The following CKM variants were observed in gnomAD, a reference collection of about 807,000 sequenced individuals.
CKM encodes the protein creatine kinase M-type.
In CKM, 28 loss-of-function variants were observed where a neutral mutation model predicts 35.4. That is an observed-to-expected ratio of 0.79 (90% confidence interval 0.59 to 1.08). The LOEUF (loss-of-function observed/expected upper bound fraction) is 1.08. Among genes scored for constraint, CKM ranks in the 50% least tolerant of loss-of-function variants. The pLI, the probability that CKM is intolerant of heterozygous loss-of-function variation, is 0.00. For missense variants in CKM, 484 were observed against 509.8 expected (o/e 0.95, Z 0.49); for synonymous variants, 215 against 204.4 (o/e 1.05, Z -0.44).
intron 4 of CKM, 107 bp from the exon 5 acceptor site, chr19:45,312,027 C>T: frequency 1.6e-6 from 2 of 1,289,026 alleles, no homozygotes; most frequent in East Asian, 4.7e-5. Flanking sequence ...GGGCCTTGGC[C>T]CCCTGGATGT....
At chr19:45,322,163 C>T (rs1326116239) in intron 1 of CKM, among the ~76,000 whole-genome samples, 2 of 151,926 alleles carry the variant, frequency 1.3e-5, no homozygotes, top group Non-Finnish European at 2.9e-5. Context: ...AGGATGCCCC[C>T]CTAATCCCTG....
intron 3 of CKM, among the ~76,000 whole-genome samples, chr19:45,317,318 G>A (rs564355500): frequency 2.7e-5 from 4 of 150,538 alleles, no homozygotes; most frequent in East Asian, 3.9e-4. Flanking sequence ...GACGAGTTTC[G>A]CCCTTGTTGC....
In CKM at chr19:45,306,640, G is replaced by C. The variant is rs566549420; in HGVS notation, c.*110C>G. 1 of 1,147,204 alleles carries C rather than the reference G, an allele frequency of 8.7e-7. No individual in the cohort carries two copies. The highest frequency in any genetic ancestry group is 1.3e-6 in the Non-Finnish European group (1 of 772,066). 71.1% of individuals were successfully genotyped at this position (1,147,204 alleles called of 1,614,324 possible). On this transcript the variant is annotated 3_prime_UTR_variant, in exon 8 of 8. Coordinates refer to ENST00000221476, the MANE Select transcript of CKM (RefSeq NM_001824.5). This position sits in a 1 kb window ranked among gnomAD's most constrained non-coding sequence, Gnocchi z 4.5. ...CTGAGAAGGGTGGAGAGAGCCCCCA[G>C]GTGGGACTCTGGGACAGGGGGCGGG...
intron 2 of CKM, 81 bp downstream of exon 2, chr19:45,319,440 A>C: frequency 2.7e-6 from 3 of 1,096,604 alleles, no homozygotes; most frequent in Non-Finnish European, 2.7e-6. Flanking sequence ...CCCCCCCTTC[A>C]AGGGTGGTGG....
At chr19:45,315,688 T>C (rs1479795312) in intron 3 of CKM, 91 bp from the exon 4 acceptor site, 1 of 1,524,706 alleles carries the variant, frequency 6.6e-7, no homozygotes, top group East Asian at 2.4e-5. Flanking sequence ...TCAGTCTCCC[T>C]GTTGCTTCCT....
In CKM at chr19:45,307,430, C is replaced by T. The variant is rs370347377; in HGVS notation, c.967+31G>A. ...CTGCAAAGGGCCCTCGCTCCCCCTC[C>T]GTCGTGGTGCAAAGGATGTGGGAGC... On this transcript the variant is annotated intron_variant, in intron 7 of 7. Transcript: ENST00000221476. The T allele has an allele frequency of 1.7e-4, 275 of 1,608,420 alleles. 3 individuals are homozygous for T. The highest frequency in any genetic ancestry group is 1.5e-3 in the South Asian group (136 of 90,500).
At chr19:45,307,110 C>G (rs1350200900) in intron 7 of CKM, among the ~76,000 whole-genome samples, 182 bp from the exon 8 acceptor site, 1 of 152,152 alleles carries the variant, frequency 6.6e-6, no homozygotes, top group Non-Finnish European at 1.5e-5. Flanking sequence ...GATGGGGTAC[C>G]ACGCCACTCA....
At chr19:45,318,081 G>T in intron 2 of CKM, 102 bp from the exon 3 acceptor site, 1 of 954,652 alleles carries the variant, frequency 1.0e-6, no homozygotes, top group South Asian at 1.4e-5. Flanking sequence ...TCGGGATGGG[G>T]GCGGGTACAT....
At position 45,311,754 on chromosome 19, in the gene CKM, G is replaced by A; in HGVS notation, c.648C>T (p.Gly216=). The A allele has an allele frequency of 4.4e-6, 7 of 1,580,186 alleles. No homozygotes were observed. Among genetic ancestry groups the A allele is most frequent in the Non-Finnish European group, 6.0e-6 (7 of 1,164,348 alleles). Residue 216 remains glycine, a synonymous_variant, in exon 5 of 8, where the codon GGC becomes GGT. Coordinates refer to ENST00000221476, the MANE Select transcript of CKM (RefSeq NM_001824.5). ...GMARDWPDAR[G]IWHNDNKSFL... Reference sequence around the variant, plus strand: ...GGGGCGGGGAGGGGCCTCACCAGATGCCACGGGCGTCGGGCCAGTCGCGGG... The same window carrying A: ...GGGGCGGGGAGGGGCCTCACCAGATACCACGGGCGTCGGGCCAGTCGCGGG...
At chr19:45,311,726 CA>C (rs767342179) in intron 5 of CKM, 22 bp downstream of exon 5, 9 of 1,548,406 alleles carry the variant, frequency 5.8e-6, no homozygotes, top group African/African-American at 5.4e-5. Context: ...AAGAGGAAGC[CA>C]GGGGGCGGGG....
At chr19:45,307,391 C>T (rs1451903655) in intron 7 of CKM, 70 bp downstream of exon 7, 2 of 1,456,076 alleles carry the variant, frequency 1.4e-6, no homozygotes, top group African/African-American at 2.8e-5. Context: ...GATGTCGCAC[C>T]TCTCCTTGCA....
rs369118453 is a variant in CKM at position 45,320,078 on chromosome 19, T to C, written c.-18-347A>G. Among the ~76,000 whole-genome samples, 22 of 151,152 alleles carry C rather than the reference T, an allele frequency of 1.5e-4. 1 individual carries two copies. The highest frequency in any genetic ancestry group is 5.8e-4 in the East Asian group (3 of 5,132). On this transcript the variant is annotated intron_variant, in intron 1 of 7. Transcript: ENST00000221476. ...TGCTGGGATTACAGGCGTGAGCCAC[T>C]GCACCCGGCCTTTTCTTCTTTTTTT...
chr19:45,315,728 T>A (rs1971151501), intron 3 of CKM, 131 bp from the exon 4 acceptor site: 1 of 1,232,800 alleles, frequency 8.1e-7, no homozygotes, highest in African/African-American at 1.5e-5. Flanking sequence ...TGATTGGGTG[T>A]GTGGAGCCTC....
At chr19:45,322,269 C>T (rs531006919) in intron 1 of CKM, among the ~76,000 whole-genome samples, 38 of 152,220 alleles carry the variant, frequency 2.5e-4, no homozygotes, top group Admixed American at 5.9e-4. Flanking sequence ...CCCCCACCAC[C>T]GCAGACTCCC....
intron 6 of CKM, among the ~76,000 whole-genome samples, chr19:45,307,872 T>TG (rs1267040288): frequency 1.4e-5 from 2 of 147,598 alleles, no homozygotes; most frequent in Admixed American, 6.7e-5. Context: ...GCGGGTTTTT[T>TG]TTTTTTTTTT....
intron 2 of CKM, 80 bp downstream of exon 2, chr19:45,319,441 A>G: frequency 1.8e-6 from 2 of 1,126,722 alleles, no homozygotes; most frequent in Non-Finnish European, 2.7e-6. Flanking sequence ...CCCCCCTTCA[A>G]GGGTGGTGGG....
chr19:45,314,061 G>A (rs377628069), intron 4 of CKM, among the ~76,000 whole-genome samples: 7 of 149,784 alleles, frequency 4.7e-5, no homozygotes, highest in African/African-American at 1.5e-4. Context: ...GGAAGGAAGG[G>A]AGGAAGGGAG....
chr19:45,319,048 G>A (rs1971186269), intron 2 of CKM, among the ~76,000 whole-genome samples: 1 of 151,942 alleles, frequency 6.6e-6, no homozygotes, highest in Admixed American at 6.6e-5. Context: ...GTAGAGACAG[G>A]GTCTTGCTAT....
At chr19:45,322,030 G>A (rs1290674793) in intron 1 of CKM, among the ~76,000 whole-genome samples, 1 of 152,052 alleles carries the variant, frequency 6.6e-6, no homozygotes, top group East Asian at 1.9e-4. Context: ...CACATTCCGG[G>A]GCTCGGCTTG....
Sources: allele counts gnomAD v4.1 joint callset (sites outside exome capture counted in the v4.1 genomes callset), GRCh38; gene constraint gnomAD v4.1.1; non-coding constraint Gnocchi (gnomAD v3.1); transcripts MANE v1.5; gene names NCBI Gene and HGNC (gene_info 2026-07-23, HGNC 2026-07-21).